NUMA1: variants seen among roughly 807,000 people sequenced by gnomAD.
NUMA1 encodes SP-H antigen.
NUMA1 carries 62 observed loss-of-function variants against 237.1 expected under a neutral mutation model. That is an observed-to-expected ratio of 0.26 (90% confidence interval 0.21 to 0.32). The LOEUF (loss-of-function observed/expected upper bound fraction) is 0.32. NUMA1 is among the 10% of genes least tolerant of loss of function. The pLI, the probability that NUMA1 is intolerant of heterozygous loss-of-function variation, is 1.00. For missense variants in NUMA1, 2,533 were observed against 2,666.5 expected (o/e 0.95, Z 1.10); for synonymous variants, 1,028 against 1,066.1 (o/e 0.96, Z 0.70).
At chr11:72,004,400 G>A (rs1400035679) in intron 24 of NUMA1, 59 bp from the exon 25 acceptor site, 4 of 1,481,698 alleles carry the variant, frequency 2.7e-6, no homozygotes, top group Admixed American at 3.6e-5. Flanking sequence ...CTGAAGCCAG[G>A]TGTCTTGTCC....
rs1442904106 is a variant in NUMA1, at chr11:72,015,301, A to G, written c.2202T>C (p.Arg734=). Residue 734 remains arginine, a synonymous_variant, in exon 15 of 27, where the codon CGT becomes CGC. Transcript: ENST00000393695. The surrounding 1 kb of genome is among the most constrained non-coding windows in gnomAD (Gnocchi z 4.0). ...TCTCTGCCTTCAGCTCAGAGATACA[A>G]CGCTGCTGCTCTTCCAGGGCATCTG... ...RAADALEEQQ[R]CISELKAETR... is the part of the protein sequence containing the mutation. 5 of 1,613,464 alleles carry G rather than the reference A, an allele frequency of 3.1e-6. No homozygotes were observed. Among genetic ancestry groups the G allele is most frequent in the Non-Finnish European group, 4.2e-6 (5 of 1,180,022 alleles).
intron 2 of NUMA1, among the ~76,000 whole-genome samples, chr11:72,051,184 T>C (rs1942339340): frequency 6.6e-6 from 1 of 152,110 alleles, no homozygotes; most frequent in Admixed American, 6.6e-5. Flanking sequence ...GCCACCGTGC[T>C]GTCCTATCCA....
At chr11:72,034,869 A>T (rs1361406390) in intron 3 of NUMA1, among the ~76,000 whole-genome samples, 2 of 152,038 alleles carry the variant, frequency 1.3e-5, no homozygotes, top group African/African-American at 2.4e-5. Flanking sequence ...TTTTATATAT[A>T]TTTTTGAAAC....
intron 2 of NUMA1, chr11:72,041,515 G>A (rs1941662502): frequency 6.6e-6 from 1 of 152,194 alleles, no homozygotes; most frequent in African/African-American, 2.4e-5. Context: ...GTAATAATCT[G>A]TCCATCTCTC....
chr11:72,063,541 T>G (rs1406232360), intron 2 of NUMA1, among the ~76,000 whole-genome samples: 1 of 144,574 alleles, frequency 6.9e-6, no homozygotes, highest in Non-Finnish European at 1.5e-5. Flanking sequence ...GGTGCTAGGA[T>G]GATGGGTGTG....
At position 72,038,011 on chromosome 11, in the gene NUMA1, G is replaced by C. The variant is rs11235428; in HGVS notation, c.-32-2036C>G. On this transcript the variant is annotated intron_variant, in intron 2 of 26. Transcript: ENST00000393695. The stretch of plus-strand genomic sequence containing the variant: ...GAGGGACCACACTTGGCTCTGTGGT[G>C]GGGCGGCAACAGCCAGACACTCAAC... Among the ~76,000 whole-genome samples the C allele has an allele frequency of 4.2e-3, 638 of 152,256 alleles. 16 individuals carry two copies. Among genetic ancestry groups the C allele is most frequent in the Admixed American group, 0.026 (397 of 15,300 alleles).
chr11:72,022,448 A>G, intron 6 of NUMA1, 29 bp from the exon 7 acceptor site: 1 of 1,481,522 alleles, frequency 6.7e-7, no homozygotes, highest in Non-Finnish European at 9.4e-7. Context: ...GCAGTCACTG[A>G]GTGGGGCTGT....
chr11:72,025,550 C>T (rs1939470368), intron 4 of NUMA1, among the ~76,000 whole-genome samples: 1 of 152,202 alleles, frequency 6.6e-6, no homozygotes, highest in Admixed American at 6.5e-5. Flanking sequence ...AGGTGAAATA[C>T]CACTTCAAGT....
intron 20 of NUMA1, chr11:72,008,031 G>A: frequency 2.2e-6 from 1 of 453,684 alleles, no homozygotes; most frequent in South Asian, 1.6e-5. Flanking sequence ...GGGAACCTTG[G>A]GCAAGTGACT....
chr11:72,035,759 C>T lies in NUMA1; in HGVS notation c.42+143G>A, dbSNP rs566696953. On this transcript the variant is annotated intron_variant, in intron 3 of 26. Transcript: ENST00000393695. ...AATACACACAGAGCAGATGAAAATGCATTTCCATGCTGTCTAAAGGAAAAC... is the reference window on the plus strand; with the variant it reads ...AATACACACAGAGCAGATGAAAATGTATTTCCATGCTGTCTAAAGGAAAAC... The T allele has an allele frequency of 8.0e-6, 6 of 754,208 alleles. No individual in the cohort carries two copies. The East Asian group carries it at 1.3e-4, about 16-fold the overall frequency. 46.7% of individuals were successfully genotyped at this position (754,208 alleles called of 1,614,324 possible). A position where few individuals can be genotyped will look rare whatever the true frequency, so the allele number is the denominator to read the frequency against.
At chr11:72,005,638 C>G in intron 22 of NUMA1, 2 of 518,136 alleles carry the variant, frequency 3.9e-6, no homozygotes, top group Non-Finnish European at 6.7e-6. Flanking sequence ...GCTTGGTGGC[C>G]AACACCCAGA....
Position 72,009,332 on chromosome 11 carries a change from T to C in NUMA1, c.4775A>G (p.Gln1592Arg). 1.9e-6 allele frequency: 3 copies of C among 1,613,394 alleles called. No individual in the cohort carries two copies. Among genetic ancestry groups the C allele is most frequent in the African/African-American group, 1.3e-5 (1 of 75,036 alleles). The change falls in exon 18 of 27, where the codon CAG becomes CGG. Residue 1592 changes from glutamine to arginine, a missense_variant. By Grantham distance (43) the Gln-to-Arg change is conservative. This residue lies in a region of NUMA1 where 795 missense variants were observed against 750.8 expected (regional missense o/e 1.06). Coordinates refer to ENST00000393695, the MANE Select transcript of NUMA1 (RefSeq NM_006185.4). ...SQQEAQRLQA[Q>R]LNELQAQLSQ... ...CAACTGGGCTTGCAGTTCATTCAGC[T>C]GGGCCTGGAGGCGCTGGGCCTCCTG...
Position 72,015,149 on chromosome 11 carries a change from A to G in NUMA1, c.2354T>C (p.Leu785Pro). The change falls in exon 15 of 27, where the codon CTG (leucine) becomes CCG (proline). Residue 785 changes from leucine to proline, a missense_variant. By Grantham distance (98) the Leu-to-Pro change is moderately conservative (BLOSUM62 -3). Coordinates refer to ENST00000393695, the MANE Select transcript of NUMA1 (RefSeq NM_006185.4). This position sits in a 1 kb window ranked among gnomAD's most constrained non-coding sequence, Gnocchi z 4.0. The part of the protein sequence containing the change: ...GEAHQAETEV[L>P]RRELAEAMAA... Reference sequence around the variant, plus strand: ...CATGGCCTCTGCCAGCTCCCGCCGCAGGACTTCAGTCTCAGCCTGATGGGC... The same window carrying G: ...CATGGCCTCTGCCAGCTCCCGCCGCGGGACTTCAGTCTCAGCCTGATGGGC... 28 of 1,613,498 alleles carry G rather than the reference A, an allele frequency of 1.7e-5. No individual in the cohort carries two copies. Among genetic ancestry groups the G allele is most frequent in the Non-Finnish European group, 2.4e-5 (28 of 1,180,020 alleles).
chr11:72,006,984 G>A (rs1363922232), intron 21 of NUMA1, among the ~76,000 whole-genome samples: 1 of 152,212 alleles, frequency 6.6e-6, no homozygotes, highest in African/African-American at 2.4e-5. Flanking sequence ...TTAGTCAGGA[G>A]GCAGGGATCT....
At chr11:72,071,834 C>T (rs1182265338) in intron 1 of NUMA1, among the ~76,000 whole-genome samples, 1 of 152,234 alleles carries the variant, frequency 6.6e-6, no homozygotes, top group Non-Finnish European at 1.5e-5. Flanking sequence ...GTATTTGTTA[C>T]ATTATTTTGC....
intron 2 of NUMA1, among the ~76,000 whole-genome samples, chr11:72,057,673 G>A (rs568846555): frequency 6.6e-6 from 1 of 151,996 alleles, no homozygotes; most frequent in African/African-American, 2.4e-5. Flanking sequence ...GAACCCGGGA[G>A]GTGGAGGTTG....
In NUMA1 at chr11:72,056,408, G is replaced by A. The variant is rs1261233815; in HGVS notation, c.-33+13434C>T. Among the ~76,000 whole-genome samples the A allele has an allele frequency of 4.7e-5, 7 of 148,188 alleles. No homozygotes were observed. In the East Asian group the frequency reaches 9.9e-4, roughly 21 times the overall value. On this transcript the variant is annotated intron_variant, in intron 2 of 26. Coordinates refer to ENST00000393695, the MANE Select transcript of NUMA1 (RefSeq NM_006185.4). ...GTGATCTTGGCTCATTGCAACCTCC[G>A]CCTTCCAGTTTCAAGCGATTCTCCT...
intron 2 of NUMA1, 101 bp from the exon 3 acceptor site, chr11:72,036,076 A>G (rs936864754): frequency 7.1e-6 from 6 of 845,528 alleles, no homozygotes; most frequent in Non-Finnish European, 7.8e-6. Context: ...CAACACTTAA[A>G]TCACTCTTCA....
chr11:72,039,087 A>C (rs1941376424), intron 2 of NUMA1, among the ~76,000 whole-genome samples: 1 of 152,246 alleles, frequency 6.6e-6, no homozygotes, highest in African/African-American at 2.4e-5. Flanking sequence ...CCCTGTTTCC[A>C]GAAAATAAAT....
Sources: allele counts gnomAD v4.1 joint callset (sites outside exome capture counted in the v4.1 genomes callset), GRCh38; gene constraint gnomAD v4.1.1; regional missense constraint gnomAD v4.1.1; non-coding constraint Gnocchi (gnomAD v3.1); transcripts MANE v1.5; gene names NCBI Gene and HGNC (gene_info 2026-07-23, HGNC 2026-07-21).